SIPA1L3: variants seen among roughly 807,000 people sequenced by gnomAD.
The protein encoded by SIPA1L3 is signal induced proliferation associated 1 like 3, also known as signal-induced proliferation-associated 1-like protein 3.
In SIPA1L3, 59 loss-of-function variants were observed where a neutral mutation model predicts 150.1. The ratio of observed to expected loss-of-function variants is 0.39; its 90% CI spans 0.32 to 0.49. The LOEUF is 0.49. Among genes scored for constraint, SIPA1L3 ranks in the 20% least tolerant of loss-of-function variants. SIPA1L3 has a pLI of 0.86. For synonymous variants in SIPA1L3, 1,070 were observed against 1,077.6 expected (o/e 0.99, Z 0.14); for missense variants, 2,211 against 2,489.5 (o/e 0.89, Z 2.38).
chr19:37,928,535 A>G (rs777020180), intron 1 of SIPA1L3, among the ~76,000 whole-genome samples: 6 of 152,134 alleles, frequency 3.9e-5, no homozygotes, highest in Non-Finnish European at 7.3e-5. Context: ...AGATCATGCC[A>G]CTGCACTCCA....
chr19:37,977,583 G>A (rs961079993), intron 1 of SIPA1L3, among the ~76,000 whole-genome samples: 1 of 150,374 alleles, frequency 6.7e-6, no homozygotes, highest in Non-Finnish European at 1.5e-5. Flanking sequence ...TCCCCTCCAC[G>A]CCCCCCCCCA....
intron 1 of SIPA1L3, among the ~76,000 whole-genome samples, chr19:37,968,610 G>C (rs2046926704): frequency 6.6e-6 from 1 of 152,186 alleles, no homozygotes; most frequent in South Asian, 2.1e-4. Flanking sequence ...TGGAAGTCCA[G>C]GGATAACCTG....
chr19:38,021,441 G>A (rs551131612), intron 1 of SIPA1L3, among the ~76,000 whole-genome samples: 39 of 152,228 alleles, frequency 2.6e-4, no homozygotes, highest in African/African-American at 9.4e-4. Context: ...CTGGGGACAA[G>A]GGGACTCTCT....
chr19:38,028,883 G>C (rs893930995), intron 1 of SIPA1L3, among the ~76,000 whole-genome samples: 1 of 152,052 alleles, frequency 6.6e-6, no homozygotes, highest in African/African-American at 2.4e-5. Flanking sequence ...TAGTAGAGAT[G>C]GGGTTTTGCC....
chr19:38,027,513 C>T (rs191359573), intron 1 of SIPA1L3, among the ~76,000 whole-genome samples: 190 of 151,948 alleles, frequency 1.3e-3, no homozygotes, highest in Middle Eastern at 6.8e-3. Flanking sequence ...TTGAGGTTGG[C>T]GGGGATATTT....
chr19:38,150,348 G>A (rs1269523251), intron 12 of SIPA1L3, among the ~76,000 whole-genome samples: 1 of 152,026 alleles, frequency 6.6e-6, no homozygotes, highest in Non-Finnish European at 1.5e-5. Context: ...CAGGGGATTA[G>A]GGCAGGGTCC....
chr19:37,986,385 G>A (rs1302462590), intron 1 of SIPA1L3, among the ~76,000 whole-genome samples: 2 of 152,160 alleles, frequency 1.3e-5, no homozygotes, highest in African/African-American at 4.8e-5. Flanking sequence ...CTAGTTTCTT[G>A]TCAACAGTTA....
At chr19:38,056,667 A>G (rs1272587542) in intron 2 of SIPA1L3, among the ~76,000 whole-genome samples, 1 of 152,268 alleles carries the variant, frequency 6.6e-6, no homozygotes, top group Non-Finnish European at 1.5e-5. Flanking sequence ...GTAAGATCTC[A>G]GGAAATACTC....
chr19:38,094,809 G>A (rs1029597988), intron 4 of SIPA1L3, among the ~76,000 whole-genome samples: 1 of 152,074 alleles, frequency 6.6e-6, no homozygotes, highest in African/African-American at 2.4e-5. Context: ...GCTCACGCCT[G>A]TAATCCCAGC....
chr19:38,081,376 T>A lies in SIPA1L3; in HGVS notation c.-190T>A. 1.7e-6 allele frequency: 1 copy of A among 579,906 alleles called. No homozygotes were observed. The highest frequency in any genetic ancestry group is 3.0e-6 in the Non-Finnish European group (1 of 333,840). 35.9% of individuals were successfully genotyped at this position (579,906 alleles called of 1,614,324 possible). A position where few individuals can be genotyped will look rare whatever the true frequency, so the allele number is the denominator to read the frequency against. ...GGACAGCACCTGCTTCCTGAGGTTG[T>A]CCTGGCTCAGCTGTGCACAGCGATG... is the stretch of plus-strand genomic sequence containing the variant. On this transcript the variant is annotated 5_prime_UTR_variant, in exon 3 of 22. Transcript: ENST00000222345.
At chr19:38,147,910 G>C (rs1226816243) in intron 12 of SIPA1L3, among the ~76,000 whole-genome samples, 2 of 152,158 alleles carry the variant, frequency 1.3e-5, no homozygotes, top group African/African-American at 4.8e-5. Flanking sequence ...TATGGTTCCA[G>C]AGGGCTGACC....
At chr19:38,075,222 C>T (rs1237694514) in intron 2 of SIPA1L3, among the ~76,000 whole-genome samples, 1 of 151,882 alleles carries the variant, frequency 6.6e-6, no homozygotes, top group Non-Finnish European at 1.5e-5. Context: ...TTTGGGAGGC[C>T]GAGGTAGGCA....
intron 3 of SIPA1L3, among the ~76,000 whole-genome samples, chr19:38,084,414 GC>G (rs1304133956): frequency 6.6e-6 from 1 of 151,996 alleles, no homozygotes; most frequent in Non-Finnish European, 1.5e-5. Context: ...CGGCATAAAT[GC>G]GTTAAAGAGC....
At chr19:38,121,738 C>CA (rs903177181) in intron 9 of SIPA1L3, among the ~76,000 whole-genome samples, 35 of 143,644 alleles carry the variant, frequency 2.4e-4, no homozygotes, top group Admixed American at 4.1e-4. Context: ...GACTCCGTCT[C>CA]AAAAAAAAAT....
At chr19:38,118,737 T>C (rs1231918882) in intron 8 of SIPA1L3, among the ~76,000 whole-genome samples, 1 of 151,920 alleles carries the variant, frequency 6.6e-6, no homozygotes, top group Non-Finnish European at 1.5e-5. Context: ...CTTTACCATA[T>C]TGGTCAGGCT....
intron 1 of SIPA1L3, among the ~76,000 whole-genome samples, chr19:38,017,158 A>G (rs896359187): frequency 1.3e-5 from 2 of 152,056 alleles, no homozygotes; most frequent in Non-Finnish European, 2.9e-5. Context: ...CGGCCTCCCA[A>G]AGTGCTGGGA....
intron 1 of SIPA1L3, among the ~76,000 whole-genome samples, chr19:37,914,951 A>G (rs1485311396): frequency 6.6e-6 from 1 of 152,162 alleles, no homozygotes; most frequent in East Asian, 1.9e-4. Flanking sequence ...CATTTTACAG[A>G]TGAGGAAACT....
chr19:38,036,825 C>A (rs1026680671), intron 2 of SIPA1L3, among the ~76,000 whole-genome samples: 3 of 152,080 alleles, frequency 2.0e-5, no homozygotes, highest in East Asian at 3.9e-4. Context: ...TCCCCCCACT[C>A]GCCCCATCCC....
At chr19:38,066,125 G>A (rs949993925) in intron 2 of SIPA1L3, among the ~76,000 whole-genome samples, 1 of 151,464 alleles carries the variant, frequency 6.6e-6, no homozygotes, top group African/African-American at 2.4e-5. Flanking sequence ...TGATCCTCCC[G>A]CCTCAGCCTC....
Sources: allele counts gnomAD v4.1 joint callset (sites outside exome capture counted in the v4.1 genomes callset), GRCh38; gene constraint gnomAD v4.1.1; transcripts MANE v1.5; gene names NCBI Gene and HGNC (gene_info 2026-07-23, HGNC 2026-07-21).